KCTD8: variants seen among roughly 807,000 people sequenced by gnomAD.
KCTD8 encodes the protein BTB/POZ domain-containing protein KCTD8.
A neutral mutation model predicts 31.5 loss-of-function variants in KCTD8; 27 were observed. The ratio of observed to expected loss-of-function variants is 0.86; its 90% CI spans 0.63 to 1.18. KCTD8 has a LOEUF of 1.18. Among genes scored for constraint, KCTD8 ranks in the 50% most tolerant of loss-of-function variants. The pLI, the probability that KCTD8 is intolerant of heterozygous loss-of-function variation, is 0.00. For missense variants in KCTD8, 658 were observed against 647.7 expected (o/e 1.02, Z -0.17); for synonymous variants, 290 against 280.0 (o/e 1.04, Z -0.36).
chr4:44,438,456 T>C (rs1645743168), intron 1 of KCTD8, among the ~76,000 whole-genome samples: 1 of 152,184 alleles, frequency 6.6e-6, no homozygotes, highest in Non-Finnish European at 1.5e-5. Flanking sequence ...AGAAGTGCCT[T>C]GCCCCAGAGT....
chr4:44,214,673 T>C (rs1428487141), intron 1 of KCTD8, among the ~76,000 whole-genome samples: 1 of 152,184 alleles, frequency 6.6e-6, no homozygotes, highest in Non-Finnish European at 1.5e-5. Context: ...ACCTCCAAGC[T>C]GTCCTTGTTC....
At chr4:44,426,254 T>C (rs1721342393) in intron 1 of KCTD8, among the ~76,000 whole-genome samples, 1 of 150,806 alleles carries the variant, frequency 6.6e-6, no homozygotes, top group Non-Finnish European at 1.5e-5. Flanking sequence ...GGAAACCCAG[T>C]GAAACAGAGG....
At chr4:44,398,312 T>C (rs188073537) in intron 1 of KCTD8, among the ~76,000 whole-genome samples, 2 of 152,228 alleles carry the variant, frequency 1.3e-5, no homozygotes. Context: ...AAAGAGTTCA[T>C]GTGTCCTCTT....
At chr4:44,405,246 T>TTTGA (rs1357216563) in intron 1 of KCTD8, among the ~76,000 whole-genome samples, 1 of 146,054 alleles carries the variant, frequency 6.8e-6, no homozygotes, top group Middle Eastern at 3.2e-3. Context: ...GGTGTTTTTG[T>TTTGA]TTGTTTGTTT....
intron 1 of KCTD8, among the ~76,000 whole-genome samples, chr4:44,307,831 A>G (rs1416798178): frequency 6.6e-6 from 1 of 151,982 alleles, no homozygotes; most frequent in East Asian, 1.9e-4. Context: ...AATAGCTAAC[A>G]TGACTAAGTA....
At chr4:44,310,064 G>A (rs1337568745) in intron 1 of KCTD8, among the ~76,000 whole-genome samples, 7 of 151,888 alleles carry the variant, frequency 4.6e-5, no homozygotes, top group Admixed American at 3.3e-4. Flanking sequence ...CATGGGACCT[G>A]GTATTATTAA....
intron 1 of KCTD8, among the ~76,000 whole-genome samples, chr4:44,178,888 A>G (rs1305024997): frequency 6.6e-6 from 1 of 152,198 alleles, no homozygotes; most frequent in African/African-American, 2.4e-5. Context: ...TCTTTGAAGA[A>G]GAGATCAATG....
chr4:44,355,449 G>GT (rs1382814068), intron 1 of KCTD8, among the ~76,000 whole-genome samples: 3 of 152,028 alleles, frequency 2.0e-5, no homozygotes, highest in Non-Finnish European at 4.4e-5. Context: ...TTAGGTTTTA[G>GT]TAACTCCAAC....
chr4:44,409,506 A>G (rs1720900425), intron 1 of KCTD8, among the ~76,000 whole-genome samples: 1 of 152,162 alleles, frequency 6.6e-6, no homozygotes, highest in Non-Finnish European at 1.5e-5. Flanking sequence ...TGGAGAAATT[A>G]TGAGAAACTG....
intron 1 of KCTD8, among the ~76,000 whole-genome samples, chr4:44,194,748 CT>C (rs1713880067): frequency 8.6e-6 from 1 of 116,100 alleles, no homozygotes; most frequent in South Asian, 3.4e-4. Context: ...TTCTCTCTCC[CT>C]TCCCTCCCTC....
intron 1 of KCTD8, among the ~76,000 whole-genome samples, chr4:44,258,780 T>G (rs1716068639): frequency 6.6e-6 from 1 of 151,866 alleles, no homozygotes; most frequent in Non-Finnish European, 1.5e-5. Context: ...AACATATGAG[T>G]CAAGTGGTTT....
intron 1 of KCTD8, among the ~76,000 whole-genome samples, chr4:44,215,289 CTG>C (rs1560396904): frequency 6.6e-6 from 1 of 151,992 alleles, no homozygotes; most frequent in African/African-American, 2.4e-5. Flanking sequence ...CAAGGAGAAC[CTG>C]TTGGGCAGTT....
chr4:44,278,477 T>A (rs987148621), intron 1 of KCTD8, among the ~76,000 whole-genome samples: 1 of 152,018 alleles, frequency 6.6e-6, no homozygotes, highest in Admixed American at 6.6e-5. Flanking sequence ...TACTTTCATA[T>A]TGCTTAAAAG....
At chr4:44,289,966 T>A (rs1375261189) in intron 1 of KCTD8, among the ~76,000 whole-genome samples, 1 of 152,060 alleles carries the variant, frequency 6.6e-6, no homozygotes, top group Non-Finnish European at 1.5e-5. Context: ...CACATATCAG[T>A]ACTAACCCTG....
At chr4:44,195,812 C>T (rs1443106126) in intron 1 of KCTD8, among the ~76,000 whole-genome samples, 2 of 152,060 alleles carry the variant, frequency 1.3e-5, no homozygotes, top group Non-Finnish European at 2.9e-5. Flanking sequence ...TAACAGCATA[C>T]TAAGGATATT....
At chr4:44,324,390 G>A (rs530758561) in intron 1 of KCTD8, among the ~76,000 whole-genome samples, 4 of 152,030 alleles carry the variant, frequency 2.6e-5, no homozygotes, top group South Asian at 4.1e-4. Flanking sequence ...ACTGTCTTCA[G>A]TTATAATAAG....
At chr4:44,383,500 T>C (rs1215597366) in intron 1 of KCTD8, among the ~76,000 whole-genome samples, 3 of 151,632 alleles carry the variant, frequency 2.0e-5, no homozygotes, top group Admixed American at 6.6e-5. Flanking sequence ...AGAGAACTCA[T>C]AAAAAAATCA....
chr4:44,192,221 C>A (rs1713784901), intron 1 of KCTD8, among the ~76,000 whole-genome samples: 2 of 152,150 alleles, frequency 1.3e-5, no homozygotes, highest in East Asian at 3.9e-4. Context: ...TGGAGAAAAT[C>A]AGACAAAAAC....
chr4:44,417,155 T>A (rs1721095899), intron 1 of KCTD8, among the ~76,000 whole-genome samples: 1 of 152,220 alleles, frequency 6.6e-6, no homozygotes, highest in Non-Finnish European at 1.5e-5. Flanking sequence ...GTAACCATTG[T>A]AATACAGCAA....
Sources: allele counts gnomAD v4.1 joint callset (sites outside exome capture counted in the v4.1 genomes callset), GRCh38; gene constraint gnomAD v4.1.1; transcripts MANE v1.5; gene names NCBI Gene and HGNC (gene_info 2026-07-23, HGNC 2026-07-21).